The following PRKG1 variants were observed in gnomAD, a reference collection of about 807,000 sequenced individuals.
PRKG1 encodes protein kinase cGMP-dependent 1, also known as cGMP-dependent protein kinase 1.
PRKG1 carries 35 observed loss-of-function variants against 88.1 expected under a neutral mutation model. That is an observed-to-expected ratio of 0.40 (90% CI 0.30 to 0.53). The LOEUF is 0.53. Among genes scored for constraint, PRKG1 ranks in the 20% least tolerant of loss-of-function variants. PRKG1 has a pLI of 0.59. For synonymous variants in PRKG1, 303 were observed against 292.5 expected, an observed-to-expected ratio of 1.04 and a Z score of -0.37; for missense variants, 540 against 839.8, an observed-to-expected ratio of 0.64 and a Z score of 4.41.
chr10:51,045,413 C>T (rs1443075633), intron 1 of PRKG1, among the ~76,000 whole-genome samples: 1 of 152,084 alleles, frequency 6.6e-6, no homozygotes, highest in African/African-American at 2.4e-5. Context: ...CCTCCACTTC[C>T]TGGCTTCAAG....
chr10:51,093,846 C>G (rs2131869273), intron 1 of PRKG1, among the ~76,000 whole-genome samples: 1 of 149,290 alleles, frequency 6.7e-6, no homozygotes, highest in Middle Eastern at 3.6e-3. Flanking sequence ...GCCATGCACT[C>G]AGGTACTACT....
chr10:51,305,938 A>G (rs996712222), intron 2 of PRKG1, among the ~76,000 whole-genome samples: 3 of 152,174 alleles, frequency 2.0e-5, no homozygotes, highest in African/African-American at 7.2e-5. Flanking sequence ...CTGTCTGACT[A>G]TTGGAAGCCT....
rs149960698 is a variant in PRKG1, at chr10:51,084,721, C to T, written c.311+9820C>T. On this transcript the variant is annotated intron_variant, in intron 1 of 17. Transcript: ENST00000373980. ...CTTCTAATATTTAGTGTCATTTTCT[C>T]ACTTTTAGACCCTACCTACTGTTAA... Among the ~76,000 whole-genome samples the T allele has an allele frequency of 3.4e-3, 517 of 152,240 alleles. 4 individuals carry two copies. The highest frequency in any genetic ancestry group is 0.011 in the African/African-American group (455 of 41,548).
intron 3 of PRKG1, among the ~76,000 whole-genome samples, chr10:51,500,806 C>T (rs961953889): frequency 3.3e-5 from 5 of 152,190 alleles, no homozygotes; most frequent in Admixed American, 3.3e-4. Context: ...AGGACTCAAG[C>T]TTGGCCACTT....
chr10:51,819,355 T>C (rs1310477039), intron 4 of PRKG1, among the ~76,000 whole-genome samples: 1 of 152,052 alleles, frequency 6.6e-6, no homozygotes, highest in East Asian at 1.9e-4. Flanking sequence ...AGGGATTCAC[T>C]CCCATAACCC....
intron 3 of PRKG1, among the ~76,000 whole-genome samples, chr10:51,730,882 G>T (rs1479597228): frequency 6.6e-6 from 1 of 152,204 alleles, no homozygotes; most frequent in East Asian, 1.9e-4. Flanking sequence ...CTGGCCGGGC[G>T]CAGTGGCTCA....
chr10:51,366,860 C>A (rs1842600492), intron 2 of PRKG1, among the ~76,000 whole-genome samples: 1 of 151,754 alleles, frequency 6.6e-6, no homozygotes, highest in Non-Finnish European at 1.5e-5. Flanking sequence ...TTTTTCTAAG[C>A]CTTGTTGTTT....
intron 3 of PRKG1, among the ~76,000 whole-genome samples, chr10:51,577,526 G>T (rs1837918573): frequency 6.6e-6 from 1 of 151,934 alleles, no homozygotes; most frequent in African/African-American, 2.4e-5. Flanking sequence ...AAAGAAATAG[G>T]CACAGTATTG....
intron 4 of PRKG1, among the ~76,000 whole-genome samples, chr10:51,822,623 GTTC>G (rs1839778764): frequency 2.6e-5 from 4 of 152,138 alleles, no homozygotes; most frequent in Non-Finnish European, 5.9e-5. Context: ...GATTGATAAT[GTTC>G]TGTGTCCCAC....
chr10:51,899,694 T>TATATATATATATATATATATAC (rs1165503542), intron 4 of PRKG1, among the ~76,000 whole-genome samples: 6 of 142,792 alleles, frequency 4.2e-5, no homozygotes, highest in South Asian at 4.6e-4. Context: ...TATATATATA[T>TATATATATATATATATATATAC]ACAAATTTCT....
chr10:51,485,826 C>T (rs758682051), intron 3 of PRKG1, among the ~76,000 whole-genome samples: 2 of 152,136 alleles, frequency 1.3e-5, no homozygotes, highest in Non-Finnish European at 2.9e-5. Context: ...GGTCATGTGA[C>T]ATCTTAAATG....
chr10:51,417,455 G>A (rs1017512827), intron 2 of PRKG1, among the ~76,000 whole-genome samples: 2 of 152,168 alleles, frequency 1.3e-5, no homozygotes, highest in African/African-American at 4.8e-5. Context: ...CAGCTTGTTG[G>A]AGGCTCTGTA....
intron 3 of PRKG1, among the ~76,000 whole-genome samples, chr10:51,526,199 T>C (rs1841880357): frequency 6.6e-6 from 1 of 152,218 alleles, no homozygotes; most frequent in Non-Finnish European, 1.5e-5. Flanking sequence ...AATCCAATTT[T>C]GAAGATTCAG....
At chr10:51,442,414 G>A (rs1839142225) in intron 2 of PRKG1, among the ~76,000 whole-genome samples, 1 of 151,804 alleles carries the variant, frequency 6.6e-6, no homozygotes, top group African/African-American at 2.4e-5. Flanking sequence ...TAGTTTTTTA[G>A]TGACTCTATC....
intron 4 of PRKG1, among the ~76,000 whole-genome samples, chr10:51,837,247 T>C (rs995683221): frequency 6.6e-6 from 1 of 152,134 alleles, no homozygotes; most frequent in South Asian, 2.1e-4. Context: ...GATATGGTAG[T>C]TAGTAAGTTT....
chr10:51,892,473 T>TA lies in PRKG1; in HGVS notation c.699-15031dup, dbSNP rs574916057. Among the ~76,000 whole-genome samples the TA allele has an allele frequency of 1.9e-4, 29 of 152,294 alleles. No individual in the cohort carries two copies. In the South Asian group the frequency reaches 5.8e-3, roughly 30 times the overall value. On this transcript the variant is annotated intron_variant, in intron 4 of 17. Coordinates refer to ENST00000373980, the MANE Select transcript of PRKG1 (RefSeq NM_006258.4). ...AGGCAGCAAGGTTTCAGAAGCACTT[T>TA]AAACAGATGGCTTCCCATCATAGGA...
At chr10:51,788,443 A>G (rs1250226537) in intron 3 of PRKG1, among the ~76,000 whole-genome samples, 2 of 152,186 alleles carry the variant, frequency 1.3e-5, no homozygotes, top group African/African-American at 4.8e-5. Context: ...TCTTGATGTC[A>G]TCTGCCAGCA....
In PRKG1 at chr10:51,493,215, G is replaced by T. The variant is rs781640011; in HGVS notation, c.592+25379G>T. On this transcript the variant is annotated intron_variant, in intron 3 of 17. Transcript: ENST00000373980. ...TGTTTTTAAATTTTACTCCAAAAAAGGATTAGCAATTTTTTAATCTACTCA... is the reference window on the plus strand; with the variant it reads ...TGTTTTTAAATTTTACTCCAAAAAATGATTAGCAATTTTTTAATCTACTCA... Among the ~76,000 whole-genome samples, 4 of 151,958 alleles carry T rather than the reference G, an allele frequency of 2.6e-5. No individual in the cohort carries two copies. The South Asian group carries it at 8.3e-4, about 32-fold the overall frequency.
chr10:51,590,570 G>T lies in PRKG1; in HGVS notation c.592+122734G>T, dbSNP rs151206087. On this transcript the variant is annotated intron_variant, in intron 3 of 17. Coordinates refer to ENST00000373980, the MANE Select transcript of PRKG1 (RefSeq NM_006258.4). The stretch of plus-strand genomic sequence containing the variant: ...AAAAAGGTTCCTCTTTCTACACAAA[G>T]ATTTCCTTGCCAAAAACTAATTGCT... Among the ~76,000 whole-genome samples the T allele has an allele frequency of 2.6e-4, 39 of 152,168 alleles. No individual in the cohort carries two copies. In the East Asian group the frequency reaches 6.0e-3, roughly 23 times the overall value.
Sources: gnomAD v4.1 joint callset for allele counts (sites outside exome capture counted in the v4.1 genomes callset) on GRCh38, gnomAD v4.1.1 for gene constraint, MANE v1.5 for transcripts, NCBI Gene and HGNC (gene_info 2026-07-23, HGNC 2026-07-21) for gene names.